Variants in BTBD8 observed in about 807,000 individuals in gnomAD.
BTBD8 encodes the protein BTB domain containing 8.
BTBD8 carries 110 observed loss-of-function variants against 162.9 expected under a neutral mutation model. The observed-to-expected ratio is 0.68, with a 90% CI of 0.58 to 0.79. The LOEUF is 0.79. Among genes scored for constraint, BTBD8 ranks in the 30% least tolerant of loss-of-function variants. BTBD8 has a pLI of 0.00. For synonymous variants in BTBD8, 667 were observed against 716.1 expected (o/e 0.93, Z 1.10); for missense variants, 1,905 against 2,085.4 (o/e 0.91, Z 1.68).
intron 2 of BTBD8, among the ~76,000 whole-genome samples, chr1:92,096,984 T>C (rs764882079): frequency 2.0e-5 from 3 of 152,212 alleles, no homozygotes; most frequent in Admixed American, 2.0e-4. Context: ...GTCAAAGCAG[T>C]GAGAACTTTT....
chr1:92,147,577 A>T (rs1649954009), intron 8 of BTBD8, 107 bp from the exon 9 acceptor site: 2 of 765,390 alleles, frequency 2.6e-6, no homozygotes, highest in African/African-American at 1.8e-5. Flanking sequence ...TAATAGTATT[A>T]GTCAGGTCAT....
chr1:92,100,640 CA>C (rs1648566065), intron 2 of BTBD8, among the ~76,000 whole-genome samples: 2 of 151,946 alleles, frequency 1.3e-5, no homozygotes, highest in Non-Finnish European at 2.9e-5. Flanking sequence ...GATGGAGTCT[CA>C]CACTGTCACC....
At chr1:92,182,668 C>T in intron 17 of BTBD8, 73 bp downstream of exon 17, 2 of 898,536 alleles carry the variant, frequency 2.2e-6, no homozygotes, top group Non-Finnish European at 3.1e-6. Context: ...GTATGAAGCC[C>T]TGAATGTTAT....
intron 8 of BTBD8, 146 bp downstream of exon 8, chr1:92,147,414 A>G (rs1649950125): frequency 1.5e-6 from 1 of 654,476 alleles, no homozygotes; most frequent in East Asian, 2.8e-5. Context: ...TTTCACCACT[A>G]AGTAGAATAT....
At chr1:92,180,177 T>C in intron 16 of BTBD8, 88 bp from the exon 17 acceptor site, 3 of 941,960 alleles carry the variant, frequency 3.2e-6, no homozygotes, top group Non-Finnish European at 4.6e-6. Flanking sequence ...TTATTTTTTC[T>C]GAAGTAATTT....
chr1:92,107,948 T>C lies in BTBD8; in HGVS notation c.609T>C (p.Pro203=). ...ATTTATTGAAGCTTTATGTGAAACC[T>C]TGTTGCCCAGATATTGATATTTTTG... ...GEDLLKLYVK[P]CCPDIDIFVD... The change falls in exon 4 of 18, where the codon CCT becomes CCC. Residue 203 remains proline (P), a synonymous_variant. Transcript: ENST00000636805. 6.2e-7 allele frequency: 1 copy of C among 1,614,204 alleles called. No homozygotes were observed. Among genetic ancestry groups the C allele is most frequent in the Non-Finnish European group, 8.5e-7 (1 of 1,180,028 alleles).
At chr1:92,159,518 C>T (rs1011162560) in intron 9 of BTBD8, among the ~76,000 whole-genome samples, 1 of 152,016 alleles carries the variant, frequency 6.6e-6, no homozygotes, top group African/African-American at 2.4e-5. Context: ...TTTTCTTATG[C>T]TCTCATGTTG....
chr1:92,105,027 G>T (rs959784910), intron 3 of BTBD8, among the ~76,000 whole-genome samples: 3 of 151,772 alleles, frequency 2.0e-5, no homozygotes, highest in Admixed American at 6.6e-5. Flanking sequence ...CCGCCTCCCG[G>T]GTTCACGCCA....
rs1650922753 is a variant in BTBD8 at position 92,181,943 on chromosome 1, A to C, written c.4260A>C (p.Ala1420=). 2 of 1,551,674 alleles carry C rather than the reference A, an allele frequency of 1.3e-6. No individual in the cohort carries two copies. The highest frequency in any genetic ancestry group is 1.7e-6 in the Non-Finnish European group (2 of 1,146,930). Residue 1420 remains alanine, a synonymous_variant, in exon 17 of 18, where the codon GCA becomes GCC. Coordinates refer to ENST00000636805, the MANE Select transcript of BTBD8 (RefSeq NM_001376131.1). ...QGIINLAFED[A]TENECREFSA... is the part of the protein sequence containing the mutation. ...TAATTAATTTAGCTTTTGAAGATGC[A>C]ACTGAAAATGAATGTCGTGAATTTT...
intron 3 of BTBD8, among the ~76,000 whole-genome samples, chr1:92,105,735 C>T (rs1648709775): frequency 6.6e-6 from 1 of 152,176 alleles, no homozygotes; most frequent in African/African-American, 2.4e-5. Context: ...GAACAAAGAA[C>T]AATTCATGAA....
chr1:92,165,135 A>AT (rs923351650), intron 9 of BTBD8, among the ~76,000 whole-genome samples: 1 of 151,492 alleles, frequency 6.6e-6, no homozygotes, highest in Non-Finnish European at 1.5e-5. Flanking sequence ...AAAAAAAAAA[A>AT]GAATTATTAG....
chr1:92,171,426 G>T lies in BTBD8; in HGVS notation c.1601G>T (p.Arg534Ile), dbSNP rs1650542409. 1 of 1,537,708 alleles carries T rather than the reference G, an allele frequency of 6.5e-7. No individual in the cohort carries two copies. The highest frequency in any genetic ancestry group is 1.4e-5 in the African/African-American group (1 of 72,620). The change falls in exon 13 of 18, where the codon AGA (arginine) becomes ATA (isoleucine). Residue 534 changes from arginine to isoleucine, a missense_variant. Arg to Ile is a moderately conservative substitution (Grantham distance 97). Coordinates refer to ENST00000636805, the MANE Select transcript of BTBD8 (RefSeq NM_001376131.1). ...GCATTTGACAAAGGTGATGATCGAA[G>T]ACTTGGCAAAAAGCCTATATTCAGT... Reference protein sequence around the residue: ...AAAFDKGDDRRLGKKPIFSSS... With the variant: ...AAAFDKGDDRILGKKPIFSSS...
intron 4 of BTBD8, among the ~76,000 whole-genome samples, chr1:92,120,047 T>G (rs550164608): frequency 6.6e-6 from 1 of 151,814 alleles, no homozygotes; most frequent in African/African-American, 2.4e-5. Flanking sequence ...ATTGCAGGCA[T>G]GCACCACCAC....
intron 1 of BTBD8, among the ~76,000 whole-genome samples, chr1:92,083,981 C>T (rs185676225): frequency 6.6e-6 from 1 of 152,224 alleles, no homozygotes; most frequent in East Asian, 1.9e-4. Context: ...CAAGCTATAT[C>T]CAGGAAACAA....
At chr1:92,173,930 G>A (rs1650629704) in intron 13 of BTBD8, among the ~76,000 whole-genome samples, 1 of 152,006 alleles carries the variant, frequency 6.6e-6, no homozygotes, top group Non-Finnish European at 1.5e-5. Flanking sequence ...CAGGGAAAGA[G>A]GTTTTTTGTT....
intron 2 of BTBD8, among the ~76,000 whole-genome samples, chr1:92,091,324 CCCAGCTATGCTT>C (rs1311863888): frequency 6.6e-6 from 1 of 152,140 alleles, no homozygotes. Flanking sequence ...ATGAGGCCTC[CCCAGCTATGCTT>C]CCATGCCTTC....
In BTBD8 at chr1:92,176,832, A is replaced by C; in HGVS notation, c.1639A>C (p.Arg547=). ...GTATTTTTTTTCTTTTTTATAGCAAAGGAAACAAGTTTCTGACTCTGGTGA... is the reference window on the plus strand; with the variant it reads ...GTATTTTTTTTCTTTTTTATAGCAACGGAAACAAGTTTCTGACTCTGGTGA... ...KKPIFSSSQQ[R]KQVSDSGDIK... The change falls in exon 14 of 18, where the codon AGG becomes CGG. Residue 547 remains arginine, a synonymous_variant. Coordinates refer to ENST00000636805, the MANE Select transcript of BTBD8 (RefSeq NM_001376131.1). 1 of 1,381,096 alleles carries C rather than the reference A, an allele frequency of 7.2e-7. No individual in the cohort carries two copies. Among genetic ancestry groups the C allele is most frequent in the Non-Finnish European group, 9.5e-7 (1 of 1,050,360 alleles). 85.6% of individuals were successfully genotyped at this position (1,381,096 alleles called of 1,614,324 possible). A position where few individuals can be genotyped will look rare whatever the true frequency, so the allele number is the denominator to read the frequency against.
chr1:92,181,515 G>T lies in BTBD8; in HGVS notation c.3832G>T (p.Asp1278Tyr). ...TGATGCTGGAGGGTCTCAGGATGAT[G>T]ATGGGTCAAATGACAGAGGTATCTC... is the stretch of plus-strand genomic sequence containing the variant. ...DYDAGGSQDD[D>Y]GSNDRGISKC... The change falls in exon 17 of 18, where the codon GAT becomes TAT. Residue 1278 changes from aspartate (D) to tyrosine (Y), a missense_variant. This residue lies in a region of BTBD8 where 517 missense variants were observed against 606.6 expected (regional missense o/e 0.85). Coordinates refer to ENST00000636805, the MANE Select transcript of BTBD8 (RefSeq NM_001376131.1). 1.3e-6 allele frequency: 2 copies of T among 1,551,728 alleles called. No homozygotes were observed. Among genetic ancestry groups the T allele is most frequent in the South Asian group, 2.4e-5 (2 of 84,048 alleles).
intron 5 of BTBD8, among the ~76,000 whole-genome samples, chr1:92,135,182 C>A (rs1451520096): frequency 1.3e-5 from 2 of 151,456 alleles, no homozygotes; most frequent in South Asian, 4.2e-4. Flanking sequence ...CCACTGTGCC[C>A]GGCCTTATTT....
Sources: gnomAD v4.1 joint callset for allele counts (sites outside exome capture counted in the v4.1 genomes callset) on GRCh38, gnomAD v4.1.1 for gene constraint, gnomAD v4.1.1 regional missense constraint, MANE v1.5 for transcripts, NCBI Gene and HGNC (gene_info 2026-07-23, HGNC 2026-07-21) for gene names.